CMSS1: variants seen among roughly 807,000 people sequenced by gnomAD.
CMSS1 encodes cms1 ribosomal small subunit homolog, also known as protein CMSS1.
CMSS1 carries 33 observed loss-of-function variants against 43.5 expected under a neutral mutation model. The ratio of observed to expected loss-of-function variants is 0.76; its 90% CI spans 0.57 to 1.01. The LOEUF is 1.01. Ranked by LOEUF, CMSS1 falls within the 50% of genes least tolerant of loss-of-function variation. CMSS1 has a pLI of 0.00. For synonymous variants in CMSS1, 115 were observed against 117.2 expected (o/e 0.98, Z 0.12); for missense variants, 313 against 326.4 (o/e 0.96, Z 0.32).
intron 9 of CMSS1, among the ~76,000 whole-genome samples, chr3:100,176,632 G>T (rs537343548): frequency 6.0e-4 from 91 of 152,270 alleles, no homozygotes; most frequent in Non-Finnish European, 1.2e-3. Context: ...AATCAGCTCT[G>T]TTGCTCCTTA....
At chr3:99,904,468 A>G (rs1706546234) in intron 1 of CMSS1, among the ~76,000 whole-genome samples, 1 of 152,234 alleles carries the variant, frequency 6.6e-6, no homozygotes, top group Admixed American at 6.5e-5. Flanking sequence ...TTTTAAAAAT[A>G]TATTTACTAT....
chr3:99,974,557 A>G (rs990827446), intron 1 of CMSS1, among the ~76,000 whole-genome samples: 1 of 152,100 alleles, frequency 6.6e-6, no homozygotes, highest in Non-Finnish European at 1.5e-5. Context: ...TAAAAATACA[A>G]AATTAGCCGG....
intron 1 of CMSS1, among the ~76,000 whole-genome samples, chr3:99,878,619 C>G (rs1386105553): frequency 6.6e-6 from 1 of 152,228 alleles, no homozygotes; most frequent in African/African-American, 2.4e-5. Flanking sequence ...ACTGGGAAAG[C>G]CAAGACTCAT....
At chr3:100,173,706 T>C (rs1317458311) in intron 8 of CMSS1, among the ~76,000 whole-genome samples, 1 of 152,120 alleles carries the variant, frequency 6.6e-6, no homozygotes, top group Non-Finnish European at 1.5e-5. Context: ...GAAGCATTCA[T>C]GAATGGGAGA....
In CMSS1 at chr3:99,971,201, C is replaced by G. The variant is rs59112574; in HGVS notation, c.64+153158C>G. Among the ~76,000 whole-genome samples the G allele has an allele frequency of 3.9e-4, 60 of 152,058 alleles. No individual in the cohort carries two copies. The East Asian group carries it at 7.7e-3, about 20-fold the overall frequency. On this transcript the variant is annotated intron_variant, in intron 1 of 9. Transcript: ENST00000421999. ...AAATACAAAAAATAATTAGCCGGGCCTGGTGGCAGATGCCTGTAGTCCCAG... is the reference window on the plus strand; with the variant it reads ...AAATACAAAAAATAATTAGCCGGGCGTGGTGGCAGATGCCTGTAGTCCCAG...
chr3:99,940,619 G>A (rs1432860244), intron 1 of CMSS1, among the ~76,000 whole-genome samples: 1 of 152,158 alleles, frequency 6.6e-6, no homozygotes. Context: ...TTGTTCATAG[G>A]CCAACCCCTG....
At chr3:99,993,036 T>C (rs1709569114) in intron 1 of CMSS1, among the ~76,000 whole-genome samples, 1 of 152,136 alleles carries the variant, frequency 6.6e-6, no homozygotes, top group Non-Finnish European at 1.5e-5. Context: ...ACTGTTGTTA[T>C]ACCAGTGCCA....
At chr3:99,984,052 A>G (rs9867208) in intron 1 of CMSS1, among the ~76,000 whole-genome samples, 118,626 of 151,086 alleles carry the variant, frequency 0.79, 46,685 homozygotes, top group Middle Eastern at 0.86. Flanking sequence ...ATGTATATGT[A>G]TGTGTGTTTG....
At chr3:99,938,404 C>G (rs1403831242) in intron 1 of CMSS1, among the ~76,000 whole-genome samples, 1 of 152,162 alleles carries the variant, frequency 6.6e-6, no homozygotes, top group Non-Finnish European at 1.5e-5. Flanking sequence ...GTTTTGATGG[C>G]AAGAAGACTG....
chr3:100,109,002 T>C (rs1222563283), intron 1 of CMSS1, among the ~76,000 whole-genome samples: 1 of 152,070 alleles, frequency 6.6e-6, no homozygotes, highest in East Asian at 1.9e-4. Context: ...CCATGGCTTT[T>C]TCAATGCAGT....
intron 1 of CMSS1, among the ~76,000 whole-genome samples, chr3:99,990,950 G>A (rs1197748461): frequency 6.6e-6 from 1 of 152,080 alleles, no homozygotes; most frequent in Admixed American, 6.5e-5. Context: ...TTAAACTTTG[G>A]TTGGAAATAA....
At chr3:99,884,496 G>A (rs1340565154) in intron 1 of CMSS1, among the ~76,000 whole-genome samples, 2 of 152,188 alleles carry the variant, frequency 1.3e-5, no homozygotes, top group Non-Finnish European at 2.9e-5. Flanking sequence ...GGAAGGGAAA[G>A]GAATTGCTGT....
chr3:99,999,459 A>G (rs1391550195), intron 1 of CMSS1, among the ~76,000 whole-genome samples: 1 of 152,214 alleles, frequency 6.6e-6, no homozygotes, highest in Non-Finnish European at 1.5e-5. Flanking sequence ...ACTGCCTAAA[A>G]TTGTTTAGTA....
chr3:99,925,296 A>G (rs1242763270), intron 1 of CMSS1, among the ~76,000 whole-genome samples: 3 of 152,210 alleles, frequency 2.0e-5, no homozygotes, highest in Non-Finnish European at 4.4e-5. Context: ...ACAGCACTAT[A>G]CTTACATCTT....
At chr3:99,962,528 A>G (rs1708524134) in intron 1 of CMSS1, among the ~76,000 whole-genome samples, 2 of 152,208 alleles carry the variant, frequency 1.3e-5, no homozygotes, top group Non-Finnish European at 1.5e-5. Flanking sequence ...CAGCAACAAT[A>G]TGTTTGGAGA....
chr3:99,977,336 C>T (rs980579443), intron 1 of CMSS1, among the ~76,000 whole-genome samples: 2 of 151,904 alleles, frequency 1.3e-5, no homozygotes, highest in Non-Finnish European at 2.9e-5. Context: ...AAAGGTTGAT[C>T]TAGTAGCTGA....
intron 1 of CMSS1, among the ~76,000 whole-genome samples, chr3:99,897,348 G>T (rs766617211): frequency 6.6e-6 from 1 of 151,538 alleles, no homozygotes; most frequent in Non-Finnish European, 1.5e-5. Flanking sequence ...CAGCCTGGGG[G>T]ACAAGAGCTA....
rs1009628799 is a variant in CMSS1 at position 100,110,803 on chromosome 3, C to T, written c.65-36170C>T. On this transcript the variant is annotated intron_variant, in intron 1 of 9. Transcript: ENST00000421999. ...ATGATAAACTGCTTCTTCACAACAGCCTACTTATGCTTGCACCAGAAGCAG... is the reference window on the plus strand; with the variant it reads ...ATGATAAACTGCTTCTTCACAACAGTCTACTTATGCTTGCACCAGAAGCAG... Among the ~76,000 whole-genome samples the T allele has an allele frequency of 8.5e-5, 13 of 152,200 alleles. No individual in the cohort carries two copies. In the South Asian group the frequency reaches 2.1e-3, roughly 24 times the overall value.
chr3:100,027,720 G>A (rs557345786), intron 1 of CMSS1, among the ~76,000 whole-genome samples: 1 of 152,306 alleles, frequency 6.6e-6, no homozygotes, highest in South Asian at 2.1e-4. Flanking sequence ...ATCTCTGAAG[G>A]TAGCACACAT....
Sources: gnomAD v4.1 joint callset for allele counts (sites outside exome capture counted in the v4.1 genomes callset) on GRCh38, gnomAD v4.1.1 for gene constraint, MANE v1.5 for transcripts, NCBI Gene and HGNC (gene_info 2026-07-23, HGNC 2026-07-21) for gene names.